SND1: variants seen among roughly 807,000 people sequenced by gnomAD.
SND1 encodes the protein staphylococcal nuclease domain-containing protein 1.
A neutral mutation model predicts 121.7 loss-of-function variants in SND1; 38 were observed. The observed-to-expected ratio is 0.31, with a 90% confidence interval of 0.24 to 0.41. The LOEUF (loss-of-function observed/expected upper bound fraction) is 0.41, where lower values mean the gene tolerates loss of function less well. Ranked by LOEUF, SND1 falls within the 10% of genes least tolerant of loss-of-function variation. The pLI, the probability that SND1 is intolerant of heterozygous loss-of-function variation, is 1.00. For missense variants in SND1, 868 were observed against 1,184.6 expected (o/e 0.73, Z 3.92); for synonymous variants, 401 against 447.4 (o/e 0.90, Z 1.31).
chr7:127,892,076 C>G (rs973385584), intron 13 of SND1, among the ~76,000 whole-genome samples: 1 of 152,058 alleles, frequency 6.6e-6, no homozygotes, highest in Non-Finnish European at 1.5e-5. Flanking sequence ...GCAGAGTGCT[C>G]TTCTGTTGAC....
chr7:127,798,095 AGGGTGTGC>A (rs1798058949), intron 10 of SND1, among the ~76,000 whole-genome samples: 1 of 152,126 alleles, frequency 6.6e-6, no homozygotes. Context: ...CTTTAATTTC[AGGGTGTGC>A]AGGTACCTGT....
At chr7:127,884,870 A>G (rs1799864474) in intron 12 of SND1, among the ~76,000 whole-genome samples, 2 of 152,160 alleles carry the variant, frequency 1.3e-5, no homozygotes, top group African/African-American at 4.8e-5. Flanking sequence ...CCATATTTGT[A>G]TATACCTACT....
intron 22 of SND1, 87 bp from the exon 23 acceptor site, chr7:128,091,750 G>C: frequency 7.2e-7 from 1 of 1,395,178 alleles, no homozygotes; most frequent in Non-Finnish European, 1.0e-6. Flanking sequence ...GAGAGCTCTG[G>C]CGCTTACCTA....
At chr7:127,894,838 C>T (rs1286071611) in intron 13 of SND1, among the ~76,000 whole-genome samples, 3 of 147,762 alleles carry the variant, frequency 2.0e-5, no homozygotes, top group African/African-American at 7.5e-5. Flanking sequence ...TTAAGTGTAT[C>T]CTGGCTTCCA....
At chr7:127,893,785 G>A (rs990431641) in intron 13 of SND1, among the ~76,000 whole-genome samples, 8 of 152,092 alleles carry the variant, frequency 5.3e-5, no homozygotes. Context: ...TGAGAGGCAA[G>A]TGTGAACCTG....
chr7:127,699,226 C>T (rs1235765607), intron 4 of SND1, among the ~76,000 whole-genome samples: 1 of 152,156 alleles, frequency 6.6e-6, no homozygotes, highest in Admixed American at 6.5e-5. Flanking sequence ...ATATTCAGTT[C>T]CAGAGTGTTT....
intron 16 of SND1, among the ~76,000 whole-genome samples, chr7:127,996,600 T>C (rs1205174647): frequency 6.6e-6 from 1 of 152,134 alleles, no homozygotes; most frequent in African/African-American, 2.4e-5. Context: ...AAGAAAGTAA[T>C]GGACGCCCAG....
rs973480866 is a variant in SND1 at position 127,652,200 on chromosome 7, C to T, written c.-174C>T. On this transcript the variant is annotated 5_prime_UTR_variant, in exon 1 of 24. Transcript: ENST00000354725. ...GCGGCGGCGGAGATCGCGTCTCTTT[C>T]GCTCCGTGTCCCGCTGCTGCTCCTG... The T allele has an allele frequency of 1.5e-5, 10 of 661,280 alleles. No individual in the cohort carries two copies. In the East Asian group the frequency reaches 1.7e-4, roughly 11 times the overall value. The allele number at this position is 661,280 out of a possible 1,614,324, so 41.0% of individuals were successfully genotyped here.
Position 128,052,055 on chromosome 7 carries a change from C to T in SND1, c.1780-22447C>T, listed in dbSNP as rs992555244. ...TGAAATGGGCTTCTTTGAAGGAGAT[C>T]GAAGTTGATAGACACCGATATCAGA... On this transcript the variant is annotated intron_variant, in intron 16 of 23. Coordinates refer to ENST00000354725, the MANE Select transcript of SND1 (RefSeq NM_014390.4). This position sits in a 1 kb window ranked among gnomAD's most constrained non-coding sequence, Gnocchi z 4.6. Among the ~76,000 whole-genome samples the T allele has an allele frequency of 2.0e-5, 3 of 152,140 alleles. No homozygotes were observed. The highest frequency in any genetic ancestry group is 4.4e-5 in the Non-Finnish European group (3 of 68,012).
intron 11 of SND1, among the ~76,000 whole-genome samples, chr7:127,828,237 T>C (rs1344033266): frequency 6.6e-6 from 1 of 152,146 alleles, no homozygotes; most frequent in Non-Finnish European, 1.5e-5. Context: ...CCTCAGGTGA[T>C]CTGCCTGCCT....
intron 16 of SND1, chr7:127,997,590 TCTGA>T (rs1198879174): frequency 2.3e-6 from 1 of 436,676 alleles, no homozygotes. Flanking sequence ...AAAAGACAAA[TCTGA>T]CTGTGTAGGT....
In SND1 at chr7:127,688,859, G is replaced by A. The variant is rs947064150; in HGVS notation, c.228+2097G>A. 2.6e-5 allele frequency among the ~76,000 whole-genome samples: 4 copies of A among 152,088 alleles called. 1 individual carries two copies. In the South Asian group the frequency reaches 6.2e-4, roughly 24 times the overall value. Reference sequence around the variant, plus strand: ...CTGCCAGGGAGGTAAAGAAGAAAAAGCAAGAGTTTATGTGGAACTTTTATT... The same window carrying A: ...CTGCCAGGGAGGTAAAGAAGAAAAAACAAGAGTTTATGTGGAACTTTTATT... On this transcript the variant is annotated intron_variant, in intron 2 of 23. Transcript: ENST00000354725.
chr7:127,929,230 G>C lies in SND1; in HGVS notation c.1570G>C (p.Ala524Pro). ...AKQFLPFLQRAGRSEAVVEYV... is the reference protein window; with the variant it reads ...AKQFLPFLQRPGRSEAVVEYV... Reference sequence around the variant, plus strand: ...GCAGTTCCTGCCTTTTCTTCAGCGGGCAGGTCGTTCTGAAGCTGTGGTGGA... The same window carrying C: ...GCAGTTCCTGCCTTTTCTTCAGCGGCCAGGTCGTTCTGAAGCTGTGGTGGA... The change falls in exon 15 of 24, where the codon GCA (alanine) becomes CCA (proline). Residue 524 changes from alanine to proline, a missense_variant. Coordinates refer to ENST00000354725, the MANE Select transcript of SND1 (RefSeq NM_014390.4). 6.2e-7 allele frequency: 1 copy of C among 1,614,078 alleles called. No homozygotes were observed. The highest frequency in any genetic ancestry group is 2.2e-5 in the East Asian group (1 of 44,876).
intron 16 of SND1, among the ~76,000 whole-genome samples, chr7:128,023,489 C>G (rs564971346): frequency 6.6e-6 from 1 of 152,320 alleles, no homozygotes; most frequent in South Asian, 2.1e-4. Context: ...ACTATCAGCA[C>G]CTTTACTTTC....
chr7:127,875,786 T>C (rs959425014), intron 12 of SND1, among the ~76,000 whole-genome samples: 4 of 152,174 alleles, frequency 2.6e-5, no homozygotes, highest in Non-Finnish European at 5.9e-5. Flanking sequence ...AAATATTCTT[T>C]TGAGTAAAAA....
intron 10 of SND1, among the ~76,000 whole-genome samples, chr7:127,756,671 G>A (rs1797202181): frequency 6.6e-6 from 1 of 152,100 alleles, no homozygotes; most frequent in Admixed American, 6.5e-5. Flanking sequence ...CTTCTGCTAG[G>A]ATATGTGGCG....
At chr7:127,982,025 A>C (rs1016653234) in intron 15 of SND1, among the ~76,000 whole-genome samples, 2 of 152,240 alleles carry the variant, frequency 1.3e-5, no homozygotes, top group Admixed American at 6.5e-5. Flanking sequence ...TCTGTTTGCC[A>C]GATACCGGGG....
At chr7:128,003,603 C>T (rs1469635338) in intron 16 of SND1, among the ~76,000 whole-genome samples, 3 of 152,174 alleles carry the variant, frequency 2.0e-5, no homozygotes, top group South Asian at 4.1e-4. Context: ...GCTGGGGTGC[C>T]GTTACCTCTC....
At chr7:127,697,295 G>A (rs1176569681) in intron 3 of SND1, among the ~76,000 whole-genome samples, 1 of 152,094 alleles carries the variant, frequency 6.6e-6, no homozygotes, top group African/African-American at 2.4e-5. Flanking sequence ...TGCCTCCGTT[G>A]AGGGTTCACC....
Sources: allele counts gnomAD v4.1 joint callset (sites outside exome capture counted in the v4.1 genomes callset), GRCh38; gene constraint gnomAD v4.1.1; non-coding constraint Gnocchi (gnomAD v3.1); transcripts MANE v1.5; gene names NCBI Gene and HGNC (gene_info 2026-07-23, HGNC 2026-07-21).